The following ZSWIM6 variants were observed in gnomAD, a reference collection of about 807,000 sequenced individuals.
ZSWIM6 encodes the protein zinc finger SWIM domain-containing protein 6.
Under a neutral mutation model 113.2 loss-of-function variants are expected in ZSWIM6, and 9 were observed. That is an observed-to-expected ratio of 0.08 (90% CI 0.05 to 0.14). The LOEUF (loss-of-function observed/expected upper bound fraction) is 0.14, where lower values mean the gene tolerates loss of function less well. ZSWIM6 is among the 10% of genes least tolerant of loss of function. The pLI, the probability that ZSWIM6 is intolerant of heterozygous loss-of-function variation, is 1.00. For synonymous variants in ZSWIM6, 611 were observed against 606.5 expected (o/e 1.01, Z -0.11); for missense variants, 1,162 against 1,552.2 (o/e 0.75, Z 4.22).
chr5:61,525,911 A>G lies in ZSWIM6; in HGVS notation c.1625A>G (p.Asn542Ser). 6.4e-7 allele frequency: 1 copy of G among 1,552,170 alleles called. No homozygotes were observed. Among genetic ancestry groups the G allele is most frequent in the Non-Finnish European group, 8.7e-7 (1 of 1,147,058 alleles). The change falls in exon 6 of 14, where the codon AAC becomes AGC. Residue 542 changes from asparagine (N) to serine (S), a missense_variant. Asn to Ser is a conservative substitution (Grantham distance 46, BLOSUM62 1). Transcript: ENST00000252744. ...ATTATCAGCAGTGACCTATACACCA[A>G]CTACTGTTACCATGACGACACTGAA... Reference protein sequence around the residue: ...QHIISSDLYTNYCYHDDTENS... With the variant: ...QHIISSDLYTSYCYHDDTENS...
At chr5:61,426,320 T>A (rs1402582250) in intron 1 of ZSWIM6, among the ~76,000 whole-genome samples, 1 of 152,246 alleles carries the variant, frequency 6.6e-6, no homozygotes, top group Non-Finnish European at 1.5e-5. Flanking sequence ...GTTGTGAGAA[T>A]AATTCAGAGA....
chr5:61,454,060 A>G (rs975706055), intron 1 of ZSWIM6, among the ~76,000 whole-genome samples: 3 of 151,842 alleles, frequency 2.0e-5, no homozygotes, highest in Non-Finnish European at 4.4e-5. Flanking sequence ...CCCTTCCCCC[A>G]TTTATTTATT....
chr5:61,393,366 G>A (rs959226060), intron 1 of ZSWIM6, among the ~76,000 whole-genome samples: 1 of 152,018 alleles, frequency 6.6e-6, no homozygotes, highest in Non-Finnish European at 1.5e-5. Flanking sequence ...TTTTTAATAG[G>A]TATTCAGTTT....
chr5:61,496,445 A>C (rs1231791338), intron 4 of ZSWIM6, among the ~76,000 whole-genome samples: 1 of 152,186 alleles, frequency 6.6e-6, no homozygotes, highest in Non-Finnish European at 1.5e-5. Flanking sequence ...ACAAAAGGAA[A>C]GGCTTTTCTT....
At chr5:61,434,038 AAAT>A (rs1050417394) in intron 1 of ZSWIM6, among the ~76,000 whole-genome samples, 14 of 145,952 alleles carry the variant, frequency 9.6e-5, no homozygotes, top group African/African-American at 2.2e-4. Flanking sequence ...ATATAATAAA[AAAT>A]ATATGTGTAA....
chr5:61,544,644 G>C lies in ZSWIM6; in HGVS notation c.*327G>C, dbSNP rs1749840227. ...AGTCCACATAGCTCTCCTGTTTTCTGTATACGTTCACAGCCTCAAAAAAAA... is the reference window on the plus strand; with the variant it reads ...AGTCCACATAGCTCTCCTGTTTTCTCTATACGTTCACAGCCTCAAAAAAAA... On this transcript the variant is annotated 3_prime_UTR_variant, in exon 14 of 14. Transcript: ENST00000252744. 1 of 155,140 alleles carries C rather than the reference G, an allele frequency of 6.4e-6. No homozygotes were observed. The highest frequency in any genetic ancestry group is 6.5e-5 in the Admixed American group (1 of 15,348). The allele number at this position is 155,140 out of a possible 1,614,324, so 9.6% of individuals were successfully genotyped here. A position where few individuals can be genotyped will look rare whatever the true frequency, so the allele number is the denominator to read the frequency against.
At chr5:61,362,901 A>G (rs1304191130) in intron 1 of ZSWIM6, among the ~76,000 whole-genome samples, 1 of 152,212 alleles carries the variant, frequency 6.6e-6, no homozygotes, top group Non-Finnish European at 1.5e-5. Flanking sequence ...ACTATAAATA[A>G]CAGAAACAGA....
intron 1 of ZSWIM6, among the ~76,000 whole-genome samples, chr5:61,368,763 A>G (rs1745209260): frequency 1.3e-5 from 2 of 152,220 alleles, no homozygotes; most frequent in South Asian, 4.1e-4. Context: ...TGCTTGCACA[A>G]GAAGCAAGTC....
intron 1 of ZSWIM6, among the ~76,000 whole-genome samples, chr5:61,421,292 C>T (rs1472825462): frequency 2.0e-5 from 3 of 152,112 alleles, no homozygotes; most frequent in Non-Finnish European, 2.9e-5. Context: ...TGGTAATCAT[C>T]TTTCTACTCT....
chr5:61,439,133 T>C (rs1746772548), intron 1 of ZSWIM6, among the ~76,000 whole-genome samples: 1 of 152,344 alleles, frequency 6.6e-6, no homozygotes, highest in East Asian at 1.9e-4. Flanking sequence ...GTTTAGGTAG[T>C]TGAAATTTCA....
chr5:61,517,361 T>C (rs1045419830), intron 4 of ZSWIM6, among the ~76,000 whole-genome samples: 8 of 152,180 alleles, frequency 5.3e-5, no homozygotes, highest in African/African-American at 9.6e-5. Flanking sequence ...CATTTCTAGC[T>C]TCACATTCAC....
At chr5:61,448,342 A>C (rs905762018) in intron 1 of ZSWIM6, among the ~76,000 whole-genome samples, 1 of 152,136 alleles carries the variant, frequency 6.6e-6, no homozygotes, top group Non-Finnish European at 1.5e-5. Flanking sequence ...TCTTCTTTAT[A>C]TATTTGGATT....
In ZSWIM6 at chr5:61,544,081, T is replaced by A. The variant is rs1180306525; in HGVS notation, c.3412T>A (p.Leu1138Met). ...GCTCATGTCACTGGACAAAGCCCCCTTGAGGCAACTCTTGGATGCCACGAT... is the reference window on the plus strand; with the variant it reads ...GCTCATGTCACTGGACAAAGCCCCCATGAGGCAACTCTTGGATGCCACGAT... The part of the protein sequence containing the change: ...GKLMSLDKAP[L>M]RQLLDATIGA... The change falls in exon 14 of 14, where the codon TTG becomes ATG. Residue 1138 changes from leucine (L) to methionine (M), a missense_variant. Leu to Met is a conservative substitution (Grantham distance 15, BLOSUM62 2). Around this residue, in one of 4 missense-constraint regions of ZSWIM6, gnomAD observed 113 missense variants for 213.8 expected, o/e 0.53. Transcript: ENST00000252744. The A allele has an allele frequency of 6.4e-7, 1 of 1,551,972 alleles. No homozygotes were observed. The highest frequency in any genetic ancestry group is 1.2e-5 in the South Asian group (1 of 84,056).
At chr5:61,489,732 A>G (rs566630170) in intron 2 of ZSWIM6, among the ~76,000 whole-genome samples, 16 of 152,204 alleles carry the variant, frequency 1.1e-4, no homozygotes, top group African/African-American at 3.4e-4. Flanking sequence ...CTCCAAGTCT[A>G]GCAGAGAGGC....
chr5:61,364,437 G>A (rs537645820), intron 1 of ZSWIM6, among the ~76,000 whole-genome samples: 33 of 151,626 alleles, frequency 2.2e-4, no homozygotes, highest in Middle Eastern at 3.4e-3. Flanking sequence ...TTTTTTAGTG[G>A]TTGGAAAAAA....
chr5:61,488,723 C>T (rs558252168), intron 2 of ZSWIM6, among the ~76,000 whole-genome samples: 50 of 151,956 alleles, frequency 3.3e-4, no homozygotes, highest in African/African-American at 1.1e-3. Flanking sequence ...GTCTATCTAG[C>T]ACAAACATCA....
intron 10 of ZSWIM6, 115 bp downstream of exon 10, chr5:61,535,734 C>T (rs760048065): frequency 7.6e-7 from 1 of 1,323,232 alleles, no homozygotes; most frequent in Non-Finnish European, 1.0e-6. Flanking sequence ...GCTAAAGAAA[C>T]TATGTATTTA....
chr5:61,375,577 G>T (rs1013341329), intron 1 of ZSWIM6: 2 of 1,530,800 alleles, frequency 1.3e-6, no homozygotes, highest in African/African-American at 2.8e-5. Flanking sequence ...AGACAGTAAG[G>T]ATAGTTTAAA....
At position 61,494,339 on chromosome 5, in the gene ZSWIM6, C is replaced by T. The variant is rs761786081; in HGVS notation, c.1262C>T (p.Pro421Leu). ...TLITEQFMAD[P>L]RLSLWRQQGT... is the part of the protein sequence containing the mutation. ...ATAACAGAGCAATTCATGGCTGACC[C>T]TCGCCTGTCACTTTGGCGGCAACAA... The change falls in exon 4 of 14, where the codon CCT becomes CTT. Residue 421 changes from proline (P) to leucine (L), a missense_variant. Pro to Leu is a moderately conservative substitution (Grantham distance 98). Coordinates refer to ENST00000252744, the MANE Select transcript of ZSWIM6 (RefSeq NM_020928.2). 6.4e-7 allele frequency: 1 copy of T among 1,551,172 alleles called. No individual in the cohort carries two copies. The highest frequency in any genetic ancestry group is 2.4e-5 in the East Asian group (1 of 40,914).
Sources: gnomAD v4.1 joint callset for allele counts (sites outside exome capture counted in the v4.1 genomes callset) on GRCh38, gnomAD v4.1.1 for gene constraint, gnomAD v4.1.1 regional missense constraint, MANE v1.5 for transcripts, NCBI Gene and HGNC (gene_info 2026-07-23, HGNC 2026-07-21) for gene names.